RAB2A: variants seen among roughly 807,000 people sequenced by gnomAD.
The protein encoded by RAB2A is ras-related protein Rab-2A.
Under a neutral mutation model 32.5 loss-of-function variants are expected in RAB2A, and 7 were observed. The observed-to-expected ratio is 0.22, with a 90% CI of 0.12 to 0.40. The LOEUF is 0.40. Ranked by LOEUF, RAB2A falls within the 10% of genes least tolerant of loss-of-function variation. RAB2A has a pLI of 1.00. For synonymous variants in RAB2A, 79 were observed against 85.2 expected (o/e 0.93, Z 0.40); for missense variants, 108 against 260.7 (o/e 0.41, Z 4.03).
intron 2 of RAB2A, among the ~76,000 whole-genome samples, chr8:60,559,576 A>G (rs944308002): frequency 6.6e-6 from 1 of 152,228 alleles, no homozygotes; most frequent in South Asian, 2.1e-4. Context: ...GCAAAGGAAA[A>G]AATTAAGATG....
At chr8:60,583,972 G>A (rs1480402608) in intron 3 of RAB2A, 10 of 358,936 alleles carry the variant, frequency 2.8e-5, no homozygotes, top group African/African-American at 4.1e-5. Flanking sequence ...GAGGTCTTGC[G>A]GGCTGGGGAG....
chr8:60,550,303 A>G (rs1350487771), intron 1 of RAB2A, among the ~76,000 whole-genome samples: 1 of 144,604 alleles, frequency 6.9e-6, no homozygotes, highest in Non-Finnish European at 1.5e-5. Context: ...ATTCAATTTG[A>G]ACTACCCCCA....
At chr8:60,558,466 G>A (rs904108055) in intron 1 of RAB2A, 4 of 513,376 alleles carry the variant, frequency 7.8e-6, no homozygotes, top group Non-Finnish European at 1.6e-5. Flanking sequence ...TTTGTTCATA[G>A]GGGAGTATGA....
At chr8:60,608,855 C>T (rs980923232) in intron 6 of RAB2A, among the ~76,000 whole-genome samples, 2 of 152,158 alleles carry the variant, frequency 1.3e-5, no homozygotes, top group Non-Finnish European at 2.9e-5. Context: ...AGTGTTCTTT[C>T]TCTTACCCCT....
At chr8:60,607,579 C>G (rs906712221) in intron 6 of RAB2A, among the ~76,000 whole-genome samples, 1 of 152,152 alleles carries the variant, frequency 6.6e-6, no homozygotes, top group Non-Finnish European at 1.5e-5. Flanking sequence ...CCCAGCCTAC[C>G]TAAGTCAGTT....
chr8:60,592,354 A>T (rs989067873), intron 6 of RAB2A, among the ~76,000 whole-genome samples: 3 of 152,116 alleles, frequency 2.0e-5, no homozygotes, highest in Non-Finnish European at 4.4e-5. Flanking sequence ...AACCCACTGT[A>T]CTCAAAGATA....
At chr8:60,533,651 T>A (rs1807513786) in intron 1 of RAB2A, among the ~76,000 whole-genome samples, 1 of 152,010 alleles carries the variant, frequency 6.6e-6, no homozygotes, top group Non-Finnish European at 1.5e-5. Context: ...TTGCAGTTGA[T>A]TTTTTTTCTT....
chr8:60,564,603 C>T (rs1277126627), intron 2 of RAB2A, among the ~76,000 whole-genome samples: 1 of 152,158 alleles, frequency 6.6e-6, no homozygotes, highest in African/African-American at 2.4e-5. Flanking sequence ...TAATAGACAT[C>T]TTAAACTGAA....
chr8:60,534,825 C>A (rs957249125), intron 1 of RAB2A, among the ~76,000 whole-genome samples: 20 of 152,120 alleles, frequency 1.3e-4, no homozygotes, highest in African/African-American at 4.8e-4. Context: ...CATTAAGGAG[C>A]CTTATTCCCT....
At chr8:60,603,460 A>G (rs973796688) in intron 6 of RAB2A, among the ~76,000 whole-genome samples, 2 of 152,226 alleles carry the variant, frequency 1.3e-5, no homozygotes, top group African/African-American at 4.8e-5. Flanking sequence ...CTATTAGTCT[A>G]TAGATTTCCT....
chr8:60,569,162 A>G (rs1364293722), intron 2 of RAB2A, among the ~76,000 whole-genome samples: 3 of 152,226 alleles, frequency 2.0e-5, no homozygotes, highest in African/African-American at 4.8e-5. Flanking sequence ...AACAGAAATC[A>G]TAGTTTTTCA....
intron 5 of RAB2A, among the ~76,000 whole-genome samples, chr8:60,589,892 G>A (rs577349748): frequency 2.0e-5 from 3 of 151,984 alleles, no homozygotes; most frequent in South Asian, 4.2e-4. Context: ...ACCTTTATAC[G>A]TAAGTTCCAT....
rs181563417 is a variant in RAB2A at position 60,541,883 on chromosome 8, G to A, written c.47-16969G>A. On this transcript the variant is annotated intron_variant, in intron 1 of 7. Transcript: ENST00000262646. ...CTGAGCGAGATAATCACAGAAACTT[G>A]TCAGTGTTCTTTCTCTTCTAGCATT... 3.1e-3 allele frequency among the ~76,000 whole-genome samples: 468 copies of A among 152,242 alleles called. 1 individual carries two copies. Among genetic ancestry groups the A allele is most frequent in the Admixed American group, 3.9e-3 (59 of 15,292 alleles).
At chr8:60,550,829 G>A (rs1317978083) in intron 1 of RAB2A, among the ~76,000 whole-genome samples, 1 of 152,106 alleles carries the variant, frequency 6.6e-6, no homozygotes, top group Non-Finnish European at 1.5e-5. Flanking sequence ...AACTTACAGA[G>A]TTCTTTAGGT....
intron 1 of RAB2A, chr8:60,552,798 A>G (rs1293106251): frequency 6.6e-6 from 1 of 152,122 alleles, no homozygotes; most frequent in African/African-American, 2.4e-5. Flanking sequence ...GTATATGCAA[A>G]TTTTCTCTCT....
At chr8:60,610,414 T>C (rs1804323391) in intron 6 of RAB2A, among the ~76,000 whole-genome samples, 1 of 152,212 alleles carries the variant, frequency 6.6e-6, no homozygotes, top group African/African-American at 2.4e-5. Context: ...CCATCTTGTC[T>C]TGGGCTTTGT....
intron 1 of RAB2A, among the ~76,000 whole-genome samples, chr8:60,521,180 A>G (rs1349037204): frequency 6.6e-6 from 1 of 152,202 alleles, no homozygotes; most frequent in Non-Finnish European, 1.5e-5. Context: ...ATGCCAGGGT[A>G]CACCATTGAG....
At chr8:60,606,424 A>T (rs1340116843) in intron 6 of RAB2A, among the ~76,000 whole-genome samples, 1 of 152,288 alleles carries the variant, frequency 6.6e-6, no homozygotes, top group Non-Finnish European at 1.5e-5. Context: ...TCCTTTAACT[A>T]TACCTCTGAT....
intron 6 of RAB2A, among the ~76,000 whole-genome samples, chr8:60,607,034 G>A (rs916676065): frequency 6.6e-6 from 1 of 151,712 alleles, no homozygotes; most frequent in Non-Finnish European, 1.5e-5. Context: ...ATATGTTGTG[G>A]TGGGTGCATG....
Sources: gnomAD v4.1 joint callset for allele counts (sites outside exome capture counted in the v4.1 genomes callset) on GRCh38, gnomAD v4.1.1 for gene constraint, MANE v1.5 for transcripts, NCBI Gene and HGNC (gene_info 2026-07-23, HGNC 2026-07-21) for gene names.